GRK6: variants seen among roughly 807,000 people sequenced by gnomAD.
GRK6 encodes G protein-coupled receptor kinase 6.
In GRK6, 37 loss-of-function variants were observed where a neutral mutation model predicts 80.8. The observed-to-expected ratio is 0.46, with a 90% CI of 0.35 to 0.60. The LOEUF (loss-of-function observed/expected upper bound fraction) is 0.60. Ranked by LOEUF, GRK6 falls within the 20% of genes least tolerant of loss-of-function variation. GRK6 has a pLI of 0.00. For synonymous variants in GRK6, 295 were observed against 320.9 expected (o/e 0.92, Z 0.86); for missense variants, 560 against 784.6 (o/e 0.71, Z 3.42).
At position 177,434,996 on chromosome 5, in the gene GRK6, G is replaced by A. The variant is rs1187599693; in HGVS notation, c.968-36G>A. 8 of 1,612,832 alleles carry A rather than the reference G, an allele frequency of 5.0e-6. No individual in the cohort carries two copies. In the Admixed American group the frequency reaches 1.0e-4, roughly 20 times the overall value. ...GGGGTGAGATGCAGAGGCCTGGCCT[G>A]TTAACGGGTCCACCTGTTTCTCCAC... is the stretch of plus-strand genomic sequence containing the variant. On this transcript the variant is annotated intron_variant, in intron 10 of 15. Coordinates refer to ENST00000355472, the MANE Select transcript of GRK6 (RefSeq NM_001004106.3).
At chr5:177,432,884 G>T in intron 5 of GRK6, 78 bp downstream of exon 5, 1 of 1,183,642 alleles carries the variant, frequency 8.4e-7, no homozygotes, top group Non-Finnish European at 1.2e-6. Context: ...ACTGTGAACA[G>T]CTCGGTGGCT....
In GRK6 at chr5:177,433,231, G is replaced by A; in HGVS notation, c.525G>A (p.Trp175Ter). 1 of 1,614,166 alleles carries A rather than the reference G, an allele frequency of 6.2e-7. No individual in the cohort carries two copies. Among genetic ancestry groups the A allele is most frequent in the Non-Finnish European group, 8.5e-7 (1 of 1,180,018 alleles). Reference protein sequence around the residue: ...IYFNRFLQWKWLERQPVTKNT... With the variant: ...IYFNRFLQWK ...TCAACCGTTTCCTGCAGTGGAAGTGGCTGGAAAGGTGAGCTCCCTGAAGGC... is the reference window on the plus strand; with the variant it reads ...TCAACCGTTTCCTGCAGTGGAAGTGACTGGAAAGGTGAGCTCCCTGAAGGC... The change falls in exon 6 of 16, where the codon TGG (tryptophan) becomes TGA (stop). Residue 175 changes from tryptophan to a stop codon, truncating the protein, a stop_gained. Transcript: ENST00000355472. LOFTEE classifies it high-confidence loss of function.
At chr5:177,431,934 C>T (rs1202260024) in intron 2 of GRK6, 61 bp from the exon 3 acceptor site, 1 of 1,452,332 alleles carries the variant, frequency 6.9e-7, no homozygotes, top group Non-Finnish European at 9.7e-7. Context: ...GTGGTGTGGG[C>T]ACATGCCCCA....
Position 177,432,000 on chromosome 5 carries a change from G to T in GRK6, c.154G>T (p.Asp52Tyr). ...GCTTCCATCACTGCCAACAGAGCGTGACTATCACAGCCTGTGCGAGCGGCA... is the reference window on the plus strand; with the variant it reads ...GCTTCCATCACTGCCAACAGAGCGTTACTATCACAGCCTGTGCGAGCGGCA... ...CEELRLSLER[D>Y]YHSLCERQPI... The change falls in exon 3 of 16, where the codon GAC becomes TAC. Residue 52 changes from aspartate (D) to tyrosine (Y), a missense_variant. This residue lies in a region of GRK6 where 189 missense variants were observed against 230.2 expected (regional missense o/e 0.82). Coordinates refer to ENST00000355472, the MANE Select transcript of GRK6 (RefSeq NM_001004106.3). The T allele has an allele frequency of 6.2e-7, 1 of 1,613,116 alleles. No individual in the cohort carries two copies. The highest frequency in any genetic ancestry group is 1.1e-5 in the South Asian group (1 of 91,054).
chr5:177,433,896 G>A lies in GRK6; in HGVS notation c.739-18G>A, dbSNP rs758449886. 5.8e-6 allele frequency: 9 copies of A among 1,543,964 alleles called. No homozygotes were observed. Among genetic ancestry groups the A allele is most frequent in the Non-Finnish European group, 7.9e-6 (9 of 1,143,786 alleles). On this transcript the variant is annotated intron_variant, in intron 8 of 15. Transcript: ENST00000355472. ...CCCCGCAGCTCCTGCCTGAGGGCTC[G>A]GGTCCCCTCGGCCACAGGTGAGCTT...
Position 177,433,686 on chromosome 5 carries a change from G to A in GRK6, c.738+10G>A. 1.9e-6 allele frequency: 3 copies of A among 1,613,778 alleles called. No individual in the cohort carries two copies. In the Admixed American group the frequency reaches 5.0e-5, roughly 27 times the overall value. On this transcript the variant is annotated intron_variant, in intron 8 of 15. Coordinates refer to ENST00000355472, the MANE Select transcript of GRK6 (RefSeq NM_001004106.3). ...GAACAGTAGGTTTGTAGTAAGTACA[G>A]AAGGAGACTCTCCCTTCCCCTTGGC...
chr5:177,441,448 C>A, intron 15 of GRK6: 1 of 674,718 alleles, frequency 1.5e-6, no homozygotes, highest in Non-Finnish European at 2.5e-6. Flanking sequence ...TGCCCTGTCT[C>A]TGCCAGCCCC....
chr5:177,433,275 G>A, intron 6 of GRK6, 36 bp downstream of exon 6: 1 of 1,613,416 alleles, frequency 6.2e-7, no homozygotes, highest in East Asian at 2.2e-5. Flanking sequence ...GACAGGCCAG[G>A]TCGCCGGGGT....
At position 177,441,475 on chromosome 5, in the gene GRK6, C is replaced by CAG; in HGVS notation, c.1678-259_1678-258dup. 5 of 631,790 alleles carry CAG rather than the reference C, an allele frequency of 7.9e-6. No individual in the cohort carries two copies. The South Asian group carries it at 9.6e-5, about 12-fold the overall frequency. The allele number at this position is 631,790 out of a possible 1,614,324, so 39.1% of individuals were successfully genotyped here. A position where few individuals can be genotyped will look rare whatever the true frequency, so the allele number is the denominator to read the frequency against. ...GCCAGCCCCAGGGGAGAGGGCTGGG[C>CAG]AGAGGCCTTGCCCTGGCAGACCGTG... On this transcript the variant is annotated intron_variant, in intron 15 of 15. Coordinates refer to ENST00000355472, the MANE Select transcript of GRK6 (RefSeq NM_001004106.3).
Position 177,428,195 on chromosome 5 carries a change from T to C in GRK6, c.52+1298T>C, listed in dbSNP as rs540284532. On this transcript the variant is annotated intron_variant, in intron 1 of 15. Coordinates refer to ENST00000355472, the MANE Select transcript of GRK6 (RefSeq NM_001004106.3). This position sits in a 1 kb window ranked among gnomAD's most constrained non-coding sequence, Gnocchi z 4.1. ...GGGCATCTGCCGATTCTGTTCTGCC[T>C]CGTCATCCAACCAGCCAGGGAGGAG... Among the ~76,000 whole-genome samples, 81 of 152,308 alleles carry C rather than the reference T, an allele frequency of 5.3e-4. No homozygotes were observed. Among genetic ancestry groups the C allele is most frequent in the African/African-American group, 1.9e-3 (78 of 41,572 alleles).
rs775095800 is a variant in GRK6 at position 177,433,101 on chromosome 5, G to T, written c.441-46G>T. On this transcript the variant is annotated intron_variant, in intron 5 of 15. Coordinates refer to ENST00000355472, the MANE Select transcript of GRK6 (RefSeq NM_001004106.3). ...CTGGCCCAGCAAGCCAAGAGCCTGA[G>T]GTGTCAGGGGCTGGCGGGTGAGCTG... 5 of 1,513,492 alleles carry T rather than the reference G, an allele frequency of 3.3e-6. No individual in the cohort carries two copies. The East Asian group carries it at 1.1e-4, about 34-fold the overall frequency. 93.8% of individuals were successfully genotyped at this position (1,513,492 alleles called of 1,614,324 possible). A position where few individuals can be genotyped will look rare whatever the true frequency, so the allele number is the denominator to read the frequency against.
Position 177,430,551 on chromosome 5 carries a change from C to T in GRK6, c.53-321C>T, listed in dbSNP as rs959834314. On this transcript the variant is annotated intron_variant, in intron 1 of 15. Transcript: ENST00000355472. ...TCTCAGCACTGTGACGTCCTTCTCC[C>T]CTTTCTTCACCGGGGGAACTCCTAC... 57 of 360,608 alleles carry T rather than the reference C, an allele frequency of 1.6e-4. No homozygotes were observed. In the South Asian group the frequency reaches 1.6e-3, roughly 10 times the overall value. The allele number at this position is 360,608 out of a possible 1,614,324, so 22.3% of individuals were successfully genotyped here.
At chr5:177,437,085 G>A (rs1042728620) in intron 13 of GRK6, among the ~76,000 whole-genome samples, 1 of 151,958 alleles carries the variant, frequency 6.6e-6, no homozygotes, top group Non-Finnish European at 1.5e-5. Context: ...CTCCTGAGTA[G>A]CTGGGATTAC....
At chr5:177,441,170 T>C in intron 15 of GRK6, 117 bp downstream of exon 15, 1 of 1,483,862 alleles carries the variant, frequency 6.7e-7, no homozygotes, top group African/African-American at 1.4e-5. Context: ...CCTGTTGTGG[T>C]GCCCAGGGTC....
rs934436676 is a variant in GRK6 at position 177,429,269 on chromosome 5, G to A, written c.53-1603G>A. 3.3e-5 allele frequency among the ~76,000 whole-genome samples: 5 copies of A among 152,166 alleles called. No homozygotes were observed. The South Asian group carries it at 1.0e-3, about 31-fold the overall frequency. ...CAGGCACTCAGAGGCATGGGGAGGGGGCCCAGGGACACTGAAAGGGGACAG... is the reference window on the plus strand; with the variant it reads ...CAGGCACTCAGAGGCATGGGGAGGGAGCCCAGGGACACTGAAAGGGGACAG... On this transcript the variant is annotated intron_variant, in intron 1 of 15. Coordinates refer to ENST00000355472, the MANE Select transcript of GRK6 (RefSeq NM_001004106.3). The surrounding 1 kb of genome is among the most constrained non-coding windows in gnomAD (Gnocchi z 4.3).
At chr5:177,431,023 G>A (rs887036101) in intron 2 of GRK6, 56 bp downstream of exon 2, 3 of 1,480,862 alleles carry the variant, frequency 2.0e-6, no homozygotes, top group Non-Finnish European at 2.8e-6. Flanking sequence ...CTGGGGCCGG[G>A]GGAGCCTCCC....
Position 177,441,794 on chromosome 5 carries a change from C to T in GRK6, c.*4C>T. On this transcript the variant is annotated 3_prime_UTR_variant, in exon 16 of 16. Coordinates refer to ENST00000355472, the MANE Select transcript of GRK6 (RefSeq NM_001004106.3). ...AGAGCTCCCCACCCGCCTCTAGCCCCCAGCCCGAGGCCCCCACCAGCAGTT... is the reference window on the plus strand; with the variant it reads ...AGAGCTCCCCACCCGCCTCTAGCCCTCAGCCCGAGGCCCCCACCAGCAGTT... The T allele has an allele frequency of 6.2e-7, 1 of 1,611,970 alleles. No individual in the cohort carries two copies. The highest frequency in any genetic ancestry group is 8.5e-7 in the Non-Finnish European group (1 of 1,178,538).
In GRK6 at chr5:177,442,676, CTG is replaced by C. The variant is rs1319714205; in HGVS notation, c.*891_*892del. On this transcript the variant is annotated 3_prime_UTR_variant, in exon 16 of 16. Transcript: ENST00000355472. Reference sequence around the variant, plus strand: ...GGGGTGCGTGCGCGCGCGTGTGTACCTGTGTGGGTGAAGGGGATAGGGCGAGG... The same window carrying C: ...GGGGTGCGTGCGCGCGCGTGTGTACCTGTGGGTGAAGGGGATAGGGCGAGG... 1 of 152,738 alleles carries C rather than the reference CTG, an allele frequency of 6.5e-6. No individual in the cohort carries two copies. Among genetic ancestry groups the C allele is most frequent in the Non-Finnish European group, 1.5e-5 (1 of 68,142 alleles). 9.5% of individuals were successfully genotyped at this position (152,738 alleles called of 1,614,324 possible).
rs1002500648 is a variant in GRK6 at position 177,429,109 on chromosome 5, A to ATC, written c.53-1761_53-1760dup. On this transcript the variant is annotated intron_variant, in intron 1 of 15. Transcript: ENST00000355472. This position sits in a 1 kb window ranked among gnomAD's most constrained non-coding sequence, Gnocchi z 4.3. ...TCTTGGGTATACTCTGGGCTTGGTC[A>ATC]TCTTGGGTGAATTGATTCCTCACTT... is the stretch of plus-strand genomic sequence containing the variant. 2.6e-5 allele frequency among the ~76,000 whole-genome samples: 4 copies of ATC among 152,140 alleles called. No homozygotes were observed. Among genetic ancestry groups the ATC allele is most frequent in the African/African-American group, 9.7e-5 (4 of 41,432 alleles).
Sources: gnomAD v4.1 joint callset for allele counts (sites outside exome capture counted in the v4.1 genomes callset) on GRCh38, gnomAD v4.1.1 for gene constraint, gnomAD v4.1.1 regional missense constraint, Gnocchi (gnomAD v3.1) non-coding constraint, MANE v1.5 for transcripts, NCBI Gene and HGNC (gene_info 2026-07-23, HGNC 2026-07-21) for gene names.